Variants in FAAH2 observed in about 807,000 individuals in gnomAD.
FAAH2 encodes the protein fatty acid amide hydrolase 2.
FAAH2 carries 60 observed loss-of-function variants against 36.9 expected under a neutral mutation model. That is an observed-to-expected ratio of 1.63 (90% confidence interval 1.32 to 2.02). The LOEUF is 2.02. Among genes scored for constraint, FAAH2 ranks in the 30% most tolerant of loss-of-function variants. The pLI, the probability that FAAH2 is intolerant of heterozygous loss-of-function variation, is 0.00. For missense variants in FAAH2, 689 were observed against 397.5 expected (o/e 1.73, Z -6.23); for synonymous variants, 214 against 143.8 (o/e 1.49, Z -3.49).
At chrX:57,386,107 C>G (rs1265208473) in intron 7 of FAAH2, among the ~76,000 whole-genome samples, 1 of 111,133 alleles carries the variant, frequency 9.0e-6, no homozygotes, top group Non-Finnish European at 1.9e-5. Context: ...AGCCCAGAAA[C>G]AGAATTTCTT....
chrX:57,287,007 G>T lies in FAAH2; in HGVS notation c.182G>T (p.Arg61Leu), dbSNP rs778618478. 7 of 1,183,796 alleles carry T rather than the reference G, an allele frequency of 5.9e-6. No homozygotes were observed. In the Admixed American group the frequency reaches 1.2e-4, roughly 20 times the overall value. Reference protein sequence around the residue: ...LSGMQLAKLIRQRKVKCIDVV... With the variant: ...LSGMQLAKLILQRKVKCIDVV... ...GGGATGCAGCTGGCCAAGCTGATCC[G>T]ACAGAGAAAGGTGAGAATGCAATTC... The change falls in exon 1 of 11, where the codon CGA (arginine) becomes CTA (leucine). Residue 61 changes from arginine (R) to leucine (L), a missense_variant. Transcript: ENST00000374900.
At chrX:57,244,517 G>A in the FAAH2 span, among the ~76,000 whole-genome samples, 1 of 111,961 alleles carries the variant, frequency 8.9e-6, no homozygotes, top group Non-Finnish European at 1.9e-5. Flanking sequence ...TTACCCACAA[G>A]GGAATCCCAT....
At chrX:57,322,060 G>A (rs544367448) in intron 3 of FAAH2, among the ~76,000 whole-genome samples, 10 of 109,015 alleles carry the variant, frequency 9.2e-5, no homozygotes, top group Middle Eastern at 4.8e-3. Context: ...TTTTTGAGAC[G>A]GAGTCTCGCT....
the FAAH2 span, among the ~76,000 whole-genome samples, chrX:57,163,018 G>T: frequency 8.9e-6 from 1 of 111,895 alleles, no homozygotes; most frequent in African/African-American, 3.2e-5. Flanking sequence ...TTTGATGATG[G>T]TGATGTACAG....
At chrX:57,274,525 A>G in the FAAH2 span, among the ~76,000 whole-genome samples, 5 of 112,190 alleles carry the variant, frequency 4.5e-5, no homozygotes, top group Non-Finnish European at 7.5e-5. Flanking sequence ...TAGCAAACTG[A>G]ATCCAGCAGC....
At chrX:57,175,593 C>T in the FAAH2 span, among the ~76,000 whole-genome samples, 1 of 111,442 alleles carries the variant, frequency 9.0e-6, no homozygotes, top group African/African-American at 3.3e-5. Context: ...ATGTGAGGTA[C>T]TATTCCAGTC....
intron 2 of FAAH2, among the ~76,000 whole-genome samples, chrX:57,301,077 A>G (rs966086820): frequency 9.1e-6 from 1 of 109,445 alleles, no homozygotes; most frequent in African/African-American, 3.3e-5. Context: ...ATCTAGAACT[A>G]GAAATACCAT....
At chrX:57,398,121 AC>A (rs778036083) in intron 7 of FAAH2, among the ~76,000 whole-genome samples, 1,163 of 111,728 alleles carry the variant, frequency 0.01, 8 homozygotes, top group Non-Finnish European at 0.018. Context: ...AACTAGAAAT[AC>A]CATTTGACCC....
chrX:57,418,842 G>T (rs1357422656), intron 7 of FAAH2, among the ~76,000 whole-genome samples: 1 of 105,765 alleles, frequency 9.5e-6, no homozygotes, highest in African/African-American at 3.5e-5. Context: ...TTAGCATTAG[G>T]TATATCTCCT....
chrX:57,482,718 T>TG (rs2057403106), intron 10 of FAAH2, among the ~76,000 whole-genome samples: 1 of 106,534 alleles, frequency 9.4e-6, no homozygotes, highest in Admixed American at 1.0e-4. Context: ...AATTTTTTTT[T>TG]TTTTTTTTTT....
the FAAH2 span, among the ~76,000 whole-genome samples, chrX:57,130,773 C>A: frequency 9.0e-6 from 1 of 111,501 alleles, no homozygotes; most frequent in Non-Finnish European, 1.9e-5. Context: ...TTTAAACAAG[C>A]GAGCTCAGCA....
At chrX:57,190,759 T>C in the FAAH2 span, among the ~76,000 whole-genome samples, 2 of 109,853 alleles carry the variant, frequency 1.8e-5, no homozygotes, top group Non-Finnish European at 3.8e-5. Context: ...AGATAAACAG[T>C]ATACCTTTGT....
chrX:57,220,608 A>G, the FAAH2 span, among the ~76,000 whole-genome samples: 4 of 112,339 alleles, frequency 3.6e-5, no homozygotes, highest in South Asian at 3.7e-4. Context: ...AAAGGCAAAA[A>G]CAGGCAGAGT....
the FAAH2 span, among the ~76,000 whole-genome samples, chrX:57,160,909 A>C: frequency 9.0e-6 from 1 of 111,414 alleles, no homozygotes; most frequent in African/African-American, 3.3e-5. Flanking sequence ...TAGCTTTTGA[A>C]TGTGTTTGCT....
chrX:57,471,726 G>T (rs1484555409), intron 10 of FAAH2, among the ~76,000 whole-genome samples: 2 of 111,630 alleles, frequency 1.8e-5, no homozygotes, highest in Non-Finnish European at 3.8e-5. Context: ...TTTCTTCACA[G>T]AATTGGAAAA....
In FAAH2 at chrX:57,312,729, G is replaced by A. The variant is rs184652534; in HGVS notation, c.412+2000G>A. Among the ~76,000 whole-genome samples the A allele has an allele frequency of 5.5e-5, 6 of 109,399 alleles. No homozygotes were observed. The East Asian group carries it at 1.7e-3, about 31-fold the overall frequency. 95.0% of individuals were successfully genotyped at this position (109,399 alleles called of 115,157 possible). A position where few individuals can be genotyped will look rare whatever the true frequency, so the allele number is the denominator to read the frequency against. On this transcript the variant is annotated intron_variant, in intron 3 of 10. Transcript: ENST00000374900. ...CCTTCTGAAAGGATCCACAAATATA[G>A]CCAACTAACTATACTGAACTTACAC...
intron 2 of FAAH2, among the ~76,000 whole-genome samples, chrX:57,301,619 A>T (rs1602206666): frequency 1.1e-5 from 1 of 92,209 alleles, no homozygotes. Context: ...TAATAATAAT[A>T]ATAATAATAA....
chrX:57,250,101 T>G, the FAAH2 span, among the ~76,000 whole-genome samples: 1 of 112,175 alleles, frequency 8.9e-6, no homozygotes, highest in African/African-American at 3.2e-5. Context: ...AAAATTTATT[T>G]TGACATATCC....
At chrX:57,323,078 G>A (rs761221775) in intron 3 of FAAH2, among the ~76,000 whole-genome samples, 1 of 110,881 alleles carries the variant, frequency 9.0e-6, no homozygotes, top group East Asian at 2.8e-4. Context: ...GTAAGAACAT[G>A]CGGTGTTTGG....
Sources: allele counts gnomAD v4.1 joint callset (sites outside exome capture counted in the v4.1 genomes callset), GRCh38; gene constraint gnomAD v4.1.1; transcripts MANE v1.5; gene names NCBI Gene and HGNC (gene_info 2026-07-23, HGNC 2026-07-21).